Variants in PGAP4 observed in about 807,000 individuals in gnomAD.
PGAP4 encodes post-GPI attachment to proteins GalNAc transferase 4.
In PGAP4, 12 loss-of-function variants were observed where a neutral mutation model predicts 28.2. The observed-to-expected ratio is 0.42, with a 90% CI of 0.27 to 0.69. The LOEUF (loss-of-function observed/expected upper bound fraction) is 0.69. PGAP4 is among the 30% of genes least tolerant of loss of function. PGAP4 has a pLI of 0.22. For synonymous variants in PGAP4, 205 were observed against 211.8 expected (o/e 0.97, Z 0.28); for missense variants, 425 against 513.5 (o/e 0.83, Z 1.67).
At chr9:101,526,451 T>C (rs879451995) in intron 2 of PGAP4, among the ~76,000 whole-genome samples, 1 of 152,172 alleles carries the variant, frequency 6.6e-6, no homozygotes, top group Admixed American at 6.5e-5. Flanking sequence ...TTAAATTTAT[T>C]TTTATTATTT....
At chr9:101,527,165 C>A (rs1056855415) in intron 2 of PGAP4, among the ~76,000 whole-genome samples, 7 of 152,184 alleles carry the variant, frequency 4.6e-5, no homozygotes, top group Non-Finnish European at 1.0e-4. Context: ...GGCAGCCCCA[C>A]CTGGAAGGGC....
chr9:101,492,939 G>A (rs1413427774), intron 2 of PGAP4, among the ~76,000 whole-genome samples: 2 of 152,114 alleles, frequency 1.3e-5, no homozygotes, highest in East Asian at 3.9e-4. Flanking sequence ...TGCCTGAGCT[G>A]TCCACATTTA....
chr9:101,520,653 T>A (rs1405040653), intron 2 of PGAP4, among the ~76,000 whole-genome samples: 1 of 152,184 alleles, frequency 6.6e-6, no homozygotes, highest in Non-Finnish European at 1.5e-5. Flanking sequence ...AATGATCATA[T>A]CGTCAGCAAA....
intron 2 of PGAP4, among the ~76,000 whole-genome samples, chr9:101,504,625 G>T (rs1314344405): frequency 6.6e-6 from 1 of 151,906 alleles, no homozygotes; most frequent in Non-Finnish European, 1.5e-5. Flanking sequence ...CCAAGAGTTT[G>T]TTTGTGCTGT....
At chr9:101,491,159 G>A (rs557096975), upstream of PGAP4, among the ~76,000 whole-genome samples, 16 of 152,300 alleles carry the variant, frequency 1.1e-4, no homozygotes, top group South Asian at 2.9e-3. Flanking sequence ...AAAGTAATAT[G>A]TGGTAGAGCA....
intron 2 of PGAP4, chr9:101,531,137 A>G (rs906003618): frequency 6.6e-6 from 1 of 151,656 alleles, no homozygotes; most frequent in Non-Finnish European, 1.5e-5. Flanking sequence ...TCCAGCCACC[A>G]CAATCCTGTG....
At chr9:101,478,016 C>T (rs1229443202) in intron 1 of PGAP4, among the ~76,000 whole-genome samples, 1 of 152,156 alleles carries the variant, frequency 6.6e-6, no homozygotes, top group Non-Finnish European at 1.5e-5. Flanking sequence ...AGAGCATGGG[C>T]CTGAGGCCAG....
chr9:101,513,787 C>A (rs1826919256), intron 2 of PGAP4, among the ~76,000 whole-genome samples: 1 of 152,158 alleles, frequency 6.6e-6, no homozygotes, highest in East Asian at 1.9e-4. Flanking sequence ...AAGCTCAAGA[C>A]CCTGGGATGG....
chr9:101,506,069 G>T (rs1340473319), intron 2 of PGAP4, among the ~76,000 whole-genome samples: 2 of 152,034 alleles, frequency 1.3e-5, no homozygotes, highest in African/African-American at 4.8e-5. Flanking sequence ...TACCATTTGT[G>T]CAAACAACTG....
At chr9:101,526,637 TG>T in intron 2 of PGAP4, among the ~76,000 whole-genome samples, 1 of 152,118 alleles carries the variant, frequency 6.6e-6, no homozygotes, top group East Asian at 1.9e-4. Context: ...TTAGTAGAGA[TG>T]GGGTTTCACC....
At chr9:101,497,096 A>G (rs560474367) in intron 2 of PGAP4, among the ~76,000 whole-genome samples, 23 of 150,918 alleles carry the variant, frequency 1.5e-4, no homozygotes, top group Non-Finnish European at 2.5e-4. Context: ...TATAATTTTT[A>G]GAAACATTTT....
At chr9:101,523,251 T>C (rs1447397017) in intron 2 of PGAP4, among the ~76,000 whole-genome samples, 1 of 152,190 alleles carries the variant, frequency 6.6e-6, no homozygotes, top group Non-Finnish European at 1.5e-5. Flanking sequence ...TTTCTGGGTC[T>C]CTAGCAAGGC....
Position 101,475,830 on chromosome 9 carries a change from T to C in PGAP4, c.*51A>G, listed in dbSNP as rs1227697521. 6.5e-7 allele frequency: 1 copy of C among 1,538,966 alleles called. No homozygotes were observed. The highest frequency in any genetic ancestry group is 8.8e-7 in the Non-Finnish European group (1 of 1,130,686). The stretch of plus-strand genomic sequence containing the variant: ...AACCATGTCTAAATAAAGAGATAAA[T>C]ATTTGAATCTTCAAGAAGTGGCCAA... On this transcript the variant is annotated 3_prime_UTR_variant, in exon 2 of 2. Coordinates refer to ENST00000374848, the MANE Select transcript of PGAP4 (RefSeq NM_032342.3).
At chr9:101,490,303 C>A (rs550159200), upstream of PGAP4, among the ~76,000 whole-genome samples, 1 of 152,338 alleles carries the variant, frequency 6.6e-6, no homozygotes, top group East Asian at 1.9e-4. Context: ...AATTCTCATG[C>A]CTCAGCCTCC....
intron 2 of PGAP4, chr9:101,501,799 C>T (rs1427808762): frequency 5.8e-6 from 3 of 515,708 alleles, no homozygotes; most frequent in Non-Finnish European, 1.2e-5. Context: ...ACAAGAGATA[C>T]AGTGCTGCTC....
intron 2 of PGAP4, among the ~76,000 whole-genome samples, chr9:101,528,080 G>T (rs868025292): frequency 2.6e-5 from 4 of 152,272 alleles, no homozygotes; most frequent in East Asian, 1.9e-4. Context: ...GTCAGGAAAA[G>T]ATTTATTGCA....
intron 2 of PGAP4, among the ~76,000 whole-genome samples, chr9:101,502,928 G>A (rs1416345732): frequency 6.6e-6 from 1 of 152,082 alleles, no homozygotes; most frequent in Admixed American, 6.6e-5. Flanking sequence ...GAATAAAGAT[G>A]TGGGTTGATA....
chr9:101,529,492 G>C (rs1250084881), intron 2 of PGAP4, among the ~76,000 whole-genome samples: 1 of 152,052 alleles, frequency 6.6e-6, no homozygotes, highest in Non-Finnish European at 1.5e-5. Context: ...AACTAAATGG[G>C]GCTCCTCTGA....
intron 1 of PGAP4, among the ~76,000 whole-genome samples, chr9:101,482,069 C>G (rs1440144370): frequency 1.3e-5 from 2 of 152,140 alleles, no homozygotes; most frequent in Non-Finnish European, 2.9e-5. Flanking sequence ...AATTCTCGTC[C>G]CAACACTCAC....
Sources: allele counts gnomAD v4.1 joint callset (sites outside exome capture counted in the v4.1 genomes callset), GRCh38; gene constraint gnomAD v4.1.1; transcripts MANE v1.5; gene names NCBI Gene and HGNC (gene_info 2026-07-23, HGNC 2026-07-21).